Variants in TBC1D4 observed in about 807,000 individuals in gnomAD.
The protein encoded by TBC1D4 is TBC1 domain family member 4, also known as TBC (Tre-2, BUB2, CDC16) domain-containing protein.
TBC1D4 carries 121 observed loss-of-function variants against 142.5 expected under a neutral mutation model. The observed-to-expected ratio is 0.85, with a 90% CI of 0.73 to 0.99. The LOEUF is 0.99. Among genes scored for constraint, TBC1D4 ranks in the 50% least tolerant of loss-of-function variants. TBC1D4 has a pLI of 0.00. For missense variants in TBC1D4, 1,475 were observed against 1,606.6 expected (o/e 0.92, Z 1.40); for synonymous variants, 630 against 628.2 (o/e 1.00, Z -0.04).
chr13:75,404,694 C>T (rs564920842), intron 1 of TBC1D4, among the ~76,000 whole-genome samples: 7 of 152,202 alleles, frequency 4.6e-5, no homozygotes, highest in Non-Finnish European at 8.8e-5. Flanking sequence ...ATTTGGGTAG[C>T]GAGGGACTAC....
At chr13:75,458,747 G>A (rs1214330635) in intron 1 of TBC1D4, among the ~76,000 whole-genome samples, 5 of 151,984 alleles carry the variant, frequency 3.3e-5, no homozygotes, top group African/African-American at 9.7e-5. Flanking sequence ...TAAATCTCAT[G>A]CTTTTAAAAA....
intron 1 of TBC1D4, among the ~76,000 whole-genome samples, chr13:75,410,143 T>C (rs532525123): frequency 1.3e-5 from 2 of 152,346 alleles, no homozygotes; most frequent in African/African-American, 2.4e-5. Flanking sequence ...ATGCTCATGA[T>C]AATCACTCAA....
intron 1 of TBC1D4, among the ~76,000 whole-genome samples, chr13:75,455,785 T>C (rs1887708600): frequency 1.3e-5 from 2 of 152,124 alleles, no homozygotes; most frequent in Non-Finnish European, 2.9e-5. Flanking sequence ...CTGTCACTAA[T>C]GCACCCATAT....
intron 1 of TBC1D4, among the ~76,000 whole-genome samples, chr13:75,439,162 T>C (rs1320901064): frequency 2.6e-5 from 4 of 152,204 alleles, no homozygotes; most frequent in African/African-American, 7.2e-5. Context: ...TTCCAGTTTA[T>C]TGATGGCAAC....
chr13:75,410,797 G>A (rs367727011), intron 1 of TBC1D4, among the ~76,000 whole-genome samples: 5 of 150,536 alleles, frequency 3.3e-5, no homozygotes, highest in East Asian at 3.9e-4. Flanking sequence ...TTAGCCGGGC[G>A]TGGTAGCGGG....
At chr13:75,426,566 A>C (rs1886378322) in intron 1 of TBC1D4, among the ~76,000 whole-genome samples, 1 of 152,210 alleles carries the variant, frequency 6.6e-6, no homozygotes, top group Admixed American at 6.5e-5. Context: ...CACTGGTATG[A>C]GACTCAGGAA....
At chr13:75,346,564 T>G (rs1374074571) in intron 5 of TBC1D4, among the ~76,000 whole-genome samples, 1 of 152,258 alleles carries the variant, frequency 6.6e-6, no homozygotes, top group African/African-American at 2.4e-5. Context: ...GCATTTGGGT[T>G]GGTTCCAAGT....
chr13:75,474,712 C>T (rs1888564607), intron 1 of TBC1D4, among the ~76,000 whole-genome samples: 1 of 150,462 alleles, frequency 6.6e-6, no homozygotes, highest in Non-Finnish European at 1.5e-5. Flanking sequence ...TCCAGGCTCA[C>T]TGCAACCTCC....
chr13:75,331,925 G>T (rs1879781065), intron 8 of TBC1D4, among the ~76,000 whole-genome samples: 2 of 151,748 alleles, frequency 1.3e-5, no homozygotes, highest in African/African-American at 4.8e-5. Flanking sequence ...ATGGGGAGCT[G>T]CCAACCTGCC....
chr13:75,410,926 A>C (rs953814873), intron 1 of TBC1D4, among the ~76,000 whole-genome samples: 1 of 95,956 alleles, frequency 1.0e-5, no homozygotes, highest in African/African-American at 4.1e-5. Context: ...ACAGAGCGAG[A>C]CTCCGTCTCA....
At chr13:75,326,839 C>T (rs998077969) in intron 9 of TBC1D4, among the ~76,000 whole-genome samples, 2 of 152,146 alleles carry the variant, frequency 1.3e-5, no homozygotes, top group African/African-American at 2.4e-5. Flanking sequence ...TCTGTGTTTC[C>T]GTATCTCCTG....
At chr13:75,438,319 A>G (rs989608237) in intron 1 of TBC1D4, among the ~76,000 whole-genome samples, 7 of 152,222 alleles carry the variant, frequency 4.6e-5, no homozygotes, top group Non-Finnish European at 8.8e-5. Context: ...GCTTATGTTC[A>G]ATTTTCTCTA....
At chr13:75,394,438 G>A (rs767119992) in intron 1 of TBC1D4, among the ~76,000 whole-genome samples, 1 of 152,098 alleles carries the variant, frequency 6.6e-6, no homozygotes, top group Non-Finnish European at 1.5e-5. Context: ...CAAAAGAATT[G>A]ACAATCATGG....
In TBC1D4 at chr13:75,349,241, G is replaced by A; in HGVS notation, c.1337C>T (p.Ala446Val). 1 of 1,613,908 alleles carries A rather than the reference G, an allele frequency of 6.2e-7. No homozygotes were observed. The highest frequency in any genetic ancestry group is 1.1e-5 in the South Asian group (1 of 91,070). The change falls in exon 5 of 21, where the codon GCC (alanine) becomes GTC (valine). Residue 446 changes from alanine (A) to valine (V), a missense_variant. Coordinates refer to ENST00000377636, the MANE Select transcript of TBC1D4 (RefSeq NM_014832.5). ...CTCACACAGTTTAATCTGCGTCTTG[G>A]CACTCTGCAGGGCAGCCGCCGTACT... The part of the protein sequence containing the change: ...AFSTAAALQS[A>V]KTQIKLCEAC...
chr13:75,430,711 AT>A (rs1397547507), intron 1 of TBC1D4, among the ~76,000 whole-genome samples: 1 of 152,056 alleles, frequency 6.6e-6, no homozygotes, highest in African/African-American at 2.4e-5. Context: ...CCATTCTTTT[AT>A]TTCCCCATCG....
intron 1 of TBC1D4, among the ~76,000 whole-genome samples, chr13:75,364,107 C>A (rs1349755240): frequency 6.6e-6 from 1 of 152,070 alleles, no homozygotes; most frequent in Non-Finnish European, 1.5e-5. Flanking sequence ...ATGGTGGGGG[C>A]GGTGCAGTTC....
Position 75,359,784 on chromosome 13 carries a change from G to A in TBC1D4, c.1155C>T (p.Ile385=), listed in dbSNP as rs775558145. 1.2e-6 allele frequency: 2 copies of A among 1,612,352 alleles called. No individual in the cohort carries two copies. The highest frequency in any genetic ancestry group is 3.3e-5 in the Admixed American group (2 of 60,014). The stretch of plus-strand genomic sequence containing the variant: ...TGATACATACCTGAGAACAAGAGGA[G>A]ATATCTTTAAAATTCTTTTCTAGCA... The part of the protein sequence containing the change: ...SVVLEKNFKD[I]SSCSQGIKHV... The change falls in exon 3 of 21, where the codon ATC becomes ATT. Residue 385 remains isoleucine, a synonymous_variant. Transcript: ENST00000377636.
At chr13:75,395,217 G>A (rs557095975) in intron 1 of TBC1D4, among the ~76,000 whole-genome samples, 3 of 152,294 alleles carry the variant, frequency 2.0e-5, no homozygotes, top group East Asian at 3.9e-4. Context: ...CAGTGGATAA[G>A]GGTAGGCATA....
At chr13:75,361,352 A>G (rs941031469) in intron 2 of TBC1D4, among the ~76,000 whole-genome samples, 1 of 152,154 alleles carries the variant, frequency 6.6e-6, no homozygotes, top group African/African-American at 2.4e-5. Context: ...ACTCTCTCAG[A>G]TTCATATCTT....
Sources: gnomAD v4.1 joint callset for allele counts (sites outside exome capture counted in the v4.1 genomes callset) on GRCh38, gnomAD v4.1.1 for gene constraint, MANE v1.5 for transcripts, NCBI Gene and HGNC (gene_info 2026-07-23, HGNC 2026-07-21) for gene names.